DLG2: variants seen among roughly 807,000 people sequenced by gnomAD.
DLG2 encodes discs large MAGUK scaffold protein 2.
Under a neutral mutation model 132.5 loss-of-function variants are expected in DLG2, and 45 were observed. The ratio of observed to expected loss-of-function variants is 0.34; its 90% CI spans 0.27 to 0.44. The LOEUF is 0.44. Among genes scored for constraint, DLG2 ranks in the 20% least tolerant of loss-of-function variants. DLG2 has a pLI of 1.00. For missense variants in DLG2, 1,045 were observed against 1,196.9 expected (o/e 0.87, Z 1.87); for synonymous variants, 424 against 419.6 (o/e 1.01, Z -0.13).
rs762553483 is a variant in DLG2, at chr11:83,786,733, C to T, written c.1782G>A (p.Gly594=). The change falls in exon 18 of 28, where the codon GGG becomes GGA. Residue 594 remains glycine (G), a synonymous_variant. Coordinates refer to ENST00000376104, the MANE Select transcript of DLG2 (RefSeq NM_001142699.3). ...SHEQAAAALK[G]AGQTVTIIAQ... is the part of the protein sequence containing the mutation. ...CTATAATCGTCACTGTCTGTCCAGC[C>T]CCCTTTAGTGCAGCAGCTGCCTGCT... The T allele has an allele frequency of 1.4e-5, 22 of 1,614,090 alleles. No homozygotes were observed. Among genetic ancestry groups the T allele is most frequent in the South Asian group, 2.2e-5 (2 of 91,072 alleles).
At chr11:84,236,274 C>A (rs2097157760) in intron 8 of DLG2, among the ~76,000 whole-genome samples, 1 of 152,222 alleles carries the variant, frequency 6.6e-6, no homozygotes, top group Non-Finnish European at 1.5e-5. Flanking sequence ...CATTGTCCTT[C>A]TTAAAGTATG....
chr11:85,499,957 A>G (rs2093758820), intron 3 of DLG2, among the ~76,000 whole-genome samples: 1 of 152,196 alleles, frequency 6.6e-6, no homozygotes, highest in South Asian at 2.1e-4. Context: ...CAATATAATA[A>G]GAGCTATTTA....
intron 22 of DLG2, chr11:83,483,292 G>A: frequency 2.5e-6 from 4 of 1,612,766 alleles, no homozygotes; most frequent in Non-Finnish European, 3.4e-6. Flanking sequence ...CCTAATCCGG[G>A]GATGTCCTGC....
At chr11:83,698,440 T>C (rs1480550612) in intron 18 of DLG2, among the ~76,000 whole-genome samples, 1 of 152,230 alleles carries the variant, frequency 6.6e-6, no homozygotes, top group African/African-American at 2.4e-5. Flanking sequence ...CTGAACTGTA[T>C]GTACAATGTC....
intron 6 of DLG2, among the ~76,000 whole-genome samples, chr11:84,541,491 A>G (rs898810526): frequency 6.6e-6 from 1 of 152,030 alleles, no homozygotes; most frequent in African/African-American, 2.4e-5. Flanking sequence ...AAAGGTTGGA[A>G]ATCTGTATCT....
intron 6 of DLG2, among the ~76,000 whole-genome samples, chr11:84,716,681 G>A (rs945758874): frequency 6.7e-5 from 10 of 150,204 alleles, no homozygotes; most frequent in Admixed American, 6.0e-4. Flanking sequence ...AGCCTTGTAG[G>A]TGTGATGATG....
intron 6 of DLG2, among the ~76,000 whole-genome samples, chr11:84,819,106 C>CACAA (rs769677741): frequency 6.6e-6 from 1 of 150,440 alleles, no homozygotes; most frequent in African/African-American, 2.5e-5. Context: ...CACACACACA[C>CACAA]AATTTCGTTT....
chr11:84,352,698 T>G (rs2154414655), intron 7 of DLG2, among the ~76,000 whole-genome samples: 1 of 152,322 alleles, frequency 6.6e-6, no homozygotes, highest in East Asian at 1.9e-4. Flanking sequence ...TTTAATGTCT[T>G]AAAATAACTT....
intron 3 of DLG2, among the ~76,000 whole-genome samples, chr11:85,316,742 G>A (rs546661065): frequency 2.0e-5 from 3 of 151,604 alleles, no homozygotes; most frequent in Non-Finnish European, 3.0e-5. Context: ...ATCTTCTTTG[G>A]CAGAAGAAAA....
At chr11:84,622,462 AAG>A (rs1381387553) in intron 6 of DLG2, among the ~76,000 whole-genome samples, 5 of 152,140 alleles carry the variant, frequency 3.3e-5, no homozygotes, top group African/African-American at 1.2e-4. Context: ...ATTCCTTCAT[AAG>A]AGTCTGATCC....
chr11:84,460,015 T>C (rs2099076049), intron 7 of DLG2, among the ~76,000 whole-genome samples: 1 of 150,774 alleles, frequency 6.6e-6, no homozygotes, highest in Admixed American at 6.6e-5. Context: ...GTAGCTTTTC[T>C]ACACTATGTC....
chr11:83,784,544 G>A (rs1181266662), intron 18 of DLG2, among the ~76,000 whole-genome samples: 6 of 152,156 alleles, frequency 3.9e-5, no homozygotes, highest in Admixed American at 3.9e-4. Context: ...GTTATCTGCA[G>A]GTTTCTTTAC....
chr11:84,713,101 G>A (rs1443098284), intron 6 of DLG2, among the ~76,000 whole-genome samples: 1 of 152,016 alleles, frequency 6.6e-6, no homozygotes, highest in African/African-American at 2.4e-5. Context: ...TTCAAATTCA[G>A]GTGTGCATAA....
intron 7 of DLG2, among the ~76,000 whole-genome samples, chr11:84,311,335 T>C (rs1002480211): frequency 3.3e-5 from 5 of 152,208 alleles, no homozygotes; most frequent in Non-Finnish European, 5.9e-5. Context: ...TACTGAGTAA[T>C]TGTGTTCTAA....
chr11:84,219,739 A>G (rs1277350701), intron 8 of DLG2, among the ~76,000 whole-genome samples: 2 of 152,220 alleles, frequency 1.3e-5, no homozygotes. Context: ...GCGCCTGCAC[A>G]GAATACTCAG....
chr11:85,182,914 T>A (rs2079818945), intron 4 of DLG2, among the ~76,000 whole-genome samples: 1 of 150,610 alleles, frequency 6.6e-6, no homozygotes, highest in South Asian at 2.1e-4. Context: ...AAATTCTAAA[T>A]GACACCCTAG....
intron 3 of DLG2, among the ~76,000 whole-genome samples, chr11:85,503,228 T>C (rs189821676): frequency 2.6e-5 from 4 of 152,256 alleles, no homozygotes; most frequent in East Asian, 1.9e-4. Flanking sequence ...TCAAGCTTTT[T>C]AAGGTTAAGT....
At chr11:84,583,644 T>A (rs1355623726) in intron 6 of DLG2, among the ~76,000 whole-genome samples, 2 of 152,214 alleles carry the variant, frequency 1.3e-5, no homozygotes, top group Non-Finnish European at 2.9e-5. Flanking sequence ...CTTGTATGGG[T>A]TCTGCTTCAT....
At chr11:84,923,733 A>C (rs997582914) in intron 6 of DLG2, 1 of 288,148 alleles carries the variant, frequency 3.5e-6, no homozygotes, top group Non-Finnish European at 5.2e-6. Flanking sequence ...GAACAGGACC[A>C]GGACCAGAGG....
Sources: allele counts gnomAD v4.1 joint callset (sites outside exome capture counted in the v4.1 genomes callset), GRCh38; gene constraint gnomAD v4.1.1; transcripts MANE v1.5; gene names NCBI Gene and HGNC (gene_info 2026-07-23, HGNC 2026-07-21).